The following B3GALT1 variants were observed in gnomAD, a reference collection of about 807,000 sequenced individuals.
B3GALT1 encodes beta-1,3-galactosyltransferase 1.
A neutral mutation model predicts 23.2 loss-of-function variants in B3GALT1; 10 were observed. That is an observed-to-expected ratio of 0.43 (90% CI 0.27 to 0.73). The LOEUF (loss-of-function observed/expected upper bound fraction) is 0.73. Ranked by LOEUF, B3GALT1 falls within the 30% of genes least tolerant of loss-of-function variation. B3GALT1 has a pLI of 0.21. For missense variants in B3GALT1, 299 were observed against 405.4 expected (o/e 0.74, Z 2.25); for synonymous variants, 156 against 141.5 (o/e 1.10, Z -0.73).
At chr2:167,752,645 A>G (rs1159507634) in intron 3 of B3GALT1, among the ~76,000 whole-genome samples, 1 of 146,232 alleles carries the variant, frequency 6.8e-6, no homozygotes, top group African/African-American at 2.5e-5. Context: ...TCTAGATAAG[A>G]TTTGTCTGAG....
At chr2:167,802,179 C>T (rs1027564039) in intron 3 of B3GALT1, among the ~76,000 whole-genome samples, 1 of 152,236 alleles carries the variant, frequency 6.6e-6, no homozygotes, top group African/African-American at 2.4e-5. Flanking sequence ...GCAGTCCTCC[C>T]TGTGAGCTCA....
At chr2:167,428,487 C>T (rs1698656191) in intron 1 of B3GALT1, among the ~76,000 whole-genome samples, 1 of 151,634 alleles carries the variant, frequency 6.6e-6, no homozygotes, top group East Asian at 1.9e-4. Context: ...TCAGCCTGGC[C>T]AACATGGTGA....
intron 2 of B3GALT1, among the ~76,000 whole-genome samples, chr2:167,604,722 C>A (rs1684932819): frequency 6.6e-6 from 1 of 151,930 alleles, no homozygotes; most frequent in Non-Finnish European, 1.5e-5. Flanking sequence ...TAAGAGAATA[C>A]CAAAAAGGAG....
chr2:167,762,474 A>G (rs1166093235), intron 3 of B3GALT1, among the ~76,000 whole-genome samples: 1 of 152,094 alleles, frequency 6.6e-6, no homozygotes, highest in Non-Finnish European at 1.5e-5. Flanking sequence ...GCAGGCCACT[A>G]CTACCTCTGC....
At chr2:167,761,379 A>AATT (rs1687897387) in intron 3 of B3GALT1, among the ~76,000 whole-genome samples, 1 of 152,210 alleles carries the variant, frequency 6.6e-6, no homozygotes, top group African/African-American at 2.4e-5. Context: ...TTAGAAATAA[A>AATT]ATTACAGGTT....
rs1169813738 is a variant in B3GALT1 at position 167,699,380 on chromosome 2, ATTTTTTTT to A, written c.-352+52432_-352+52439del. On this transcript the variant is annotated intron_variant, in intron 3 of 4. Coordinates refer to ENST00000392690, the MANE Select transcript of B3GALT1 (RefSeq NM_020981.4). Reference sequence around the variant, plus strand: ...GGGGGAGTTTTTTGCCATTATTTCTATTTTTTTTTTTTTTTTTTTTTTTTTGAAGAAAA... The same window carrying A: ...GGGGGAGTTTTTTGCCATTATTTCTATTTTTTTTTTTTTTTTTGAAGAAAA... Among the ~76,000 whole-genome samples the A allele has an allele frequency of 1.4e-3, 137 of 100,190 alleles. 1 individual carries two copies. The highest frequency in any genetic ancestry group is 4.1e-3 in the African/African-American group (109 of 26,424). 65.7% of individuals were successfully genotyped at this position (100,190 alleles called of 152,430 possible).
chr2:167,522,198 C>T (rs1038104903), intron 2 of B3GALT1, among the ~76,000 whole-genome samples: 2 of 151,716 alleles, frequency 1.3e-5, no homozygotes, highest in South Asian at 2.1e-4. Context: ...CTTTTGGTAT[C>T]GTTAATAAAG....
intron 3 of B3GALT1, among the ~76,000 whole-genome samples, chr2:167,811,917 A>T (rs781366680): frequency 6.6e-6 from 1 of 152,242 alleles, no homozygotes; most frequent in Non-Finnish European, 1.5e-5. Flanking sequence ...TCAACTGTCT[A>T]TAGGGCATAA....
At chr2:167,501,954 G>A (rs1048038982) in intron 2 of B3GALT1, among the ~76,000 whole-genome samples, 8 of 152,032 alleles carry the variant, frequency 5.3e-5, no homozygotes, top group Non-Finnish European at 1.2e-4. Context: ...TTCATTTCAT[G>A]TTTTAAGCAT....
chr2:167,563,075 C>T (rs569136855), intron 2 of B3GALT1, among the ~76,000 whole-genome samples: 181 of 152,132 alleles, frequency 1.2e-3, no homozygotes, highest in African/African-American at 4.0e-3. Flanking sequence ...GGCAACCATC[C>T]GATTTCTCAA....
chr2:167,785,063 AC>A (rs1688318751), intron 3 of B3GALT1, among the ~76,000 whole-genome samples: 1 of 152,226 alleles, frequency 6.6e-6, no homozygotes, highest in Admixed American at 6.5e-5. Context: ...CAAATTGGTG[AC>A]CCTGGAGAAG....
At chr2:167,503,261 A>G (rs1311953471) in intron 2 of B3GALT1, among the ~76,000 whole-genome samples, 2 of 152,104 alleles carry the variant, frequency 1.3e-5, no homozygotes, top group African/African-American at 2.4e-5. Flanking sequence ...CAGTGAATAT[A>G]CCTGACAGGT....
At chr2:167,474,825 A>G (rs567019546) in intron 1 of B3GALT1, among the ~76,000 whole-genome samples, 2 of 152,304 alleles carry the variant, frequency 1.3e-5, no homozygotes, top group Non-Finnish European at 2.9e-5. Flanking sequence ...TAAATTATTC[A>G]AGGTGTAGTT....
chr2:167,563,890 G>A (rs554427498), intron 2 of B3GALT1, among the ~76,000 whole-genome samples: 2 of 4,244 alleles, frequency 4.7e-4, no homozygotes, highest in African/African-American at 1.4e-3. Context: ...GGACGGGGCG[G>A]CCGGCCGGGC....
chr2:167,408,079 CAAAA>C (rs1698332550), intron 1 of B3GALT1, among the ~76,000 whole-genome samples: 2 of 146,942 alleles, frequency 1.4e-5, no homozygotes, highest in Admixed American at 6.8e-5. Context: ...CACAGACACA[CAAAA>C]CTACAGGCCA....
intron 2 of B3GALT1, among the ~76,000 whole-genome samples, chr2:167,606,285 A>G (rs1449381310): frequency 2.6e-5 from 4 of 152,326 alleles, no homozygotes; most frequent in African/African-American, 7.2e-5. Flanking sequence ...AAAGAAACCT[A>G]TGGGGGAATG....
At chr2:167,808,567 T>C (rs1056535422) in intron 3 of B3GALT1, among the ~76,000 whole-genome samples, 1 of 151,986 alleles carries the variant, frequency 6.6e-6, no homozygotes. Flanking sequence ...GGATATGAAA[T>C]TCTGGGTTGA....
At chr2:167,824,750 G>C (rs1382409338) in intron 4 of B3GALT1, among the ~76,000 whole-genome samples, 1 of 152,212 alleles carries the variant, frequency 6.6e-6, no homozygotes. Flanking sequence ...AGAGCTGTTA[G>C]GAATGGCTCC....
At chr2:167,659,669 G>A (rs1686021787) in intron 3 of B3GALT1, among the ~76,000 whole-genome samples, 1 of 152,012 alleles carries the variant, frequency 6.6e-6, no homozygotes, top group African/African-American at 2.4e-5. Flanking sequence ...CATTTGTAAA[G>A]AGACCATTTT....
Sources: gnomAD v4.1 joint callset for allele counts (sites outside exome capture counted in the v4.1 genomes callset) on GRCh38, gnomAD v4.1.1 for gene constraint, MANE v1.5 for transcripts, NCBI Gene and HGNC (gene_info 2026-07-23, HGNC 2026-07-21) for gene names.